CPA6: variants seen among roughly 807,000 people sequenced by gnomAD.
CPA6 encodes carboxypeptidase B.
CPA6 carries 58 observed loss-of-function variants against 63.3 expected under a neutral mutation model. That is an observed-to-expected ratio of 0.92 (90% CI 0.74 to 1.14). CPA6 has a LOEUF of 1.14. Among genes scored for constraint, CPA6 ranks in the 50% most tolerant of loss-of-function variants. CPA6 has a pLI of 0.00. For missense variants in CPA6, 565 were observed against 526.6 expected (o/e 1.07, Z -0.71); for synonymous variants, 185 against 179.0 (o/e 1.03, Z -0.27).
chr8:67,462,910 T>C (rs1477922946), intron 8 of CPA6, among the ~76,000 whole-genome samples: 1 of 152,170 alleles, frequency 6.6e-6, no homozygotes, highest in Non-Finnish European at 1.5e-5. Flanking sequence ...GTAGAATGAC[T>C]CCTGTGGCTC....
chr8:67,566,054 G>A (rs1278907179), intron 2 of CPA6, among the ~76,000 whole-genome samples: 1 of 152,112 alleles, frequency 6.6e-6, no homozygotes, highest in Admixed American at 6.6e-5. Context: ...GTTTCTGAAG[G>A]GGCTTCCAAG....
chr8:67,680,170 A>G (rs533270837), intron 1 of CPA6, among the ~76,000 whole-genome samples: 2 of 152,326 alleles, frequency 1.3e-5, no homozygotes, highest in African/African-American at 4.8e-5. Context: ...ATAAACATTT[A>G]TTGAGTGCTT....
chr8:67,424,421 GC>G (rs1809839793), intron 10 of CPA6, among the ~76,000 whole-genome samples: 2 of 152,060 alleles, frequency 1.3e-5, no homozygotes, highest in Non-Finnish European at 2.9e-5. Flanking sequence ...TGACATTAGA[GC>G]CCTCTGACTT....
intron 2 of CPA6, among the ~76,000 whole-genome samples, chr8:67,594,928 T>A (rs1003452928): frequency 6.6e-6 from 1 of 152,270 alleles, no homozygotes; most frequent in Non-Finnish European, 1.5e-5. Flanking sequence ...GGTGAGGAAC[T>A]GTGTTCCTTT....
chr8:67,667,948 C>T (rs1816265962), intron 1 of CPA6, among the ~76,000 whole-genome samples: 1 of 152,220 alleles, frequency 6.6e-6, no homozygotes, highest in Non-Finnish European at 1.5e-5. Flanking sequence ...ACATGTCTAG[C>T]CAGCAGTAGC....
intron 1 of CPA6, among the ~76,000 whole-genome samples, chr8:67,742,963 A>AT (rs964591669): frequency 2.6e-4 from 38 of 148,320 alleles, no homozygotes; most frequent in Admixed American, 5.4e-4. Context: ...GACGCAGAAG[A>AT]TTTTTTTTTT....
intron 8 of CPA6, among the ~76,000 whole-genome samples, chr8:67,481,688 G>C (rs1566769): frequency 0.068 from 10,305 of 152,250 alleles, 820 homozygotes; most frequent in African/African-American, 0.19. Context: ...TTATGCTATG[G>C]ATGTTTATTT....
At chr8:67,652,111 C>T (rs570888539) in intron 1 of CPA6, among the ~76,000 whole-genome samples, 50 of 152,188 alleles carry the variant, frequency 3.3e-4, no homozygotes, top group African/African-American at 1.1e-3. Context: ...CCATGGTGAA[C>T]ATGTGCCACA....
chr8:67,469,768 G>A (rs1372939675), intron 8 of CPA6, among the ~76,000 whole-genome samples: 2 of 152,136 alleles, frequency 1.3e-5, no homozygotes, highest in African/African-American at 2.4e-5. Flanking sequence ...CTGTAATTGT[G>A]TGAACCAATG....
intron 8 of CPA6, among the ~76,000 whole-genome samples, chr8:67,459,247 A>C (rs1810745855): frequency 1.3e-5 from 2 of 151,956 alleles, no homozygotes; most frequent in African/African-American, 4.8e-5. Flanking sequence ...CTGGTCTGAA[A>C]CTCCTGGCTC....
chr8:67,630,257 G>A (rs1215070409), intron 1 of CPA6, among the ~76,000 whole-genome samples: 1 of 151,944 alleles, frequency 6.6e-6, no homozygotes, highest in Non-Finnish European at 1.5e-5. Flanking sequence ...TGGATAGGAC[G>A]CCATCCATTA....
intron 2 of CPA6, among the ~76,000 whole-genome samples, chr8:67,596,711 C>T (rs969387385): frequency 6.6e-6 from 1 of 152,116 alleles, no homozygotes; most frequent in Non-Finnish European, 1.5e-5. Context: ...AGTTATACCA[C>T]TAATGTTCTT....
chr8:67,449,537 G>C (rs1810508290), intron 8 of CPA6, among the ~76,000 whole-genome samples: 1 of 152,122 alleles, frequency 6.6e-6, no homozygotes, highest in Non-Finnish European at 1.5e-5. Context: ...AACTGGAATT[G>C]CATTCAATTT....
intron 8 of CPA6, among the ~76,000 whole-genome samples, chr8:67,445,928 A>G (rs964474381): frequency 2.0e-5 from 3 of 152,254 alleles, no homozygotes; most frequent in African/African-American, 7.2e-5. Context: ...TATAAATGAG[A>G]TGGTTAAAAA....
chr8:67,590,671 G>A (rs1285628503), intron 2 of CPA6, among the ~76,000 whole-genome samples: 1 of 152,026 alleles, frequency 6.6e-6, no homozygotes, highest in Admixed American at 6.6e-5. Flanking sequence ...GTGTCTTTTG[G>A]CTGCATAAAT....
chr8:67,599,978 A>G lies in CPA6; in HGVS notation c.192+24198T>C, dbSNP rs138015341. On this transcript the variant is annotated intron_variant, in intron 2 of 10. Coordinates refer to ENST00000297770, the MANE Select transcript of CPA6 (RefSeq NM_020361.5). ...TGGTAGAAACTAGATTTCTTCTGAAACCACATTTTGATAACAACAGTTATC... is the reference window on the plus strand; with the variant it reads ...TGGTAGAAACTAGATTTCTTCTGAAGCCACATTTTGATAACAACAGTTATC... Among the ~76,000 whole-genome samples the G allele has an allele frequency of 1.3e-4, 20 of 152,330 alleles. No individual in the cohort carries two copies. In the East Asian group the frequency reaches 3.1e-3, roughly 23 times the overall value.
At chr8:67,719,917 T>C (rs1276088784) in intron 1 of CPA6, among the ~76,000 whole-genome samples, 1 of 152,154 alleles carries the variant, frequency 6.6e-6, no homozygotes, top group Non-Finnish European at 1.5e-5. Flanking sequence ...TCCACATCCG[T>C]GTCCAGCAAC....
chr8:67,483,637 G>A, intron 8 of CPA6, 131 bp downstream of exon 8: 1 of 794,006 alleles, frequency 1.3e-6, no homozygotes, highest in Non-Finnish European at 2.3e-6. Context: ...GTACGTATCT[G>A]TACCTTTCTC....
intron 1 of CPA6, among the ~76,000 whole-genome samples, chr8:67,629,847 CT>C (rs1280808865): frequency 6.6e-6 from 1 of 152,034 alleles, no homozygotes; most frequent in African/African-American, 2.4e-5. Flanking sequence ...TGGCTCACAC[CT>C]GTAATCCCAG....
Sources: allele counts gnomAD v4.1 joint callset (sites outside exome capture counted in the v4.1 genomes callset), GRCh38; gene constraint gnomAD v4.1.1; transcripts MANE v1.5; gene names NCBI Gene and HGNC (gene_info 2026-07-23, HGNC 2026-07-21).